The following C6 variants were observed in gnomAD, a reference collection of about 807,000 sequenced individuals.
The protein encoded by C6 is complement component C6.
In C6, 101 loss-of-function variants were observed where a neutral mutation model predicts 112.9. The ratio of observed to expected loss-of-function variants is 0.89; its 90% CI spans 0.76 to 1.06. C6 has a LOEUF of 1.06. C6 is among the 50% of genes least tolerant of loss of function. The probability of loss-of-function intolerance (pLI) is 0.00; values close to 1 mark genes in which losing one functional copy is unlikely to be tolerated. For missense variants in C6, 1,202 were observed against 1,104.6 expected (o/e 1.09, Z -1.25); for synonymous variants, 431 against 384.1 (o/e 1.12, Z -1.43).
intron 1 of C6, among the ~76,000 whole-genome samples, chr5:41,240,328 C>T (rs1740620058): frequency 6.6e-6 from 1 of 152,064 alleles, no homozygotes; most frequent in Admixed American, 6.5e-5. Context: ...TACACAGCCA[C>T]TGGTGGTAGC....
rs200169349 is a variant in C6 at position 41,172,351 on chromosome 5, G to A, written c.1169-4C>T. The A allele has an allele frequency of 1.5e-4, 240 of 1,613,388 alleles. No individual in the cohort carries two copies. In the East Asian group the frequency reaches 3.9e-3, roughly 26 times the overall value. On this transcript the variant is annotated splice_polypyrimidine_tract_variant and splice_region_variant and intron_variant, in intron 8 of 17. Coordinates refer to ENST00000337836, the MANE Select transcript of C6 (RefSeq NM_000065.5). ...TTGGCTTCTTCCTCGGTTAAACCTAGGAGATGAAGTACAAACAGAAACCAC... is the reference window on the plus strand; with the variant it reads ...TTGGCTTCTTCCTCGGTTAAACCTAAGAGATGAAGTACAAACAGAAACCAC...
rs1749740456 is a variant in C6 at position 41,186,070 on chromosome 5, C to T, written c.726G>A (p.Glu242=). Residue 242 remains glutamate (E), a splice_region_variant and synonymous_variant, in exon 6 of 18, where the codon GAG becomes GAA. Coordinates refer to ENST00000337836, the MANE Select transcript of C6 (RefSeq NM_000065.5). ...VPANLENVGF[E]VQTAEDDLKT... is the part of the protein sequence containing the mutation. ...TTGCCACCATGCTAGGCTGTCATACCTCAAAGCCGACATTTTCCAGATTGG... is the reference window on the plus strand; with the variant it reads ...TTGCCACCATGCTAGGCTGTCATACTTCAAAGCCGACATTTTCCAGATTGG... 3 of 1,613,886 alleles carry T rather than the reference C, an allele frequency of 1.9e-6. No individual in the cohort carries two copies. In the East Asian group the frequency reaches 6.7e-5, roughly 36 times the overall value.
intron 1 of C6, among the ~76,000 whole-genome samples, chr5:41,224,777 T>A (rs1365748871): frequency 6.6e-6 from 1 of 152,190 alleles, no homozygotes; most frequent in African/African-American, 2.4e-5. Context: ...GGAGTGGAGT[T>A]GCTGGGTCAT....
intron 7 of C6, among the ~76,000 whole-genome samples, chr5:41,179,495 T>A (rs1341820951): frequency 6.6e-6 from 1 of 151,932 alleles, no homozygotes; most frequent in Admixed American, 6.6e-5. Context: ...AAAGGCCATA[T>A]TCCCATGCCC....
Position 41,250,576 on chromosome 5 carries a change from G to A in C6, c.-21+10618C>T, listed in dbSNP as rs60810033. Among the ~76,000 whole-genome samples, 1,492 of 152,270 alleles carry A rather than the reference G, an allele frequency of 9.8e-3. 32 individuals are homozygous for A. The highest frequency in any genetic ancestry group is 0.034 in the African/African-American group (1,417 of 41,552). ...TATCTGAGCAGGATTTAAATGTCCT[G>A]GCAGAGTTTGATTTGGCTTCTTGCA... On this transcript the variant is annotated intron_variant, in intron 1 of 17. Transcript: ENST00000263413.
chr5:41,260,431 T>A, intron 1 of C6, among the ~76,000 whole-genome samples: 1 of 146,944 alleles, frequency 6.8e-6, no homozygotes, highest in Non-Finnish European at 1.5e-5. Flanking sequence ...AATTGTTCAG[T>A]AAAAACAAAC....
chr5:41,186,104 C>T lies in C6; in HGVS notation c.692G>A (p.Arg231His), dbSNP rs1184352709. The part of the protein sequence containing the change: ...VKSSRTSNPY[R>H]VPANLENVGF... ...GACATTTTCCAGATTGGCCGGAACA[C>T]GGTATGGATTACTTGTCCTACTGCT... The change falls in exon 6 of 18, where the codon CGT (arginine) becomes CAT (histidine). Residue 231 changes from arginine to histidine, a missense_variant. Physicochemically the swap from Arg to His is conservative, Grantham distance 29 (BLOSUM62 0). Transcript: ENST00000337836. The T allele has an allele frequency of 1.5e-5, 24 of 1,613,846 alleles. No homozygotes were observed. The highest frequency in any genetic ancestry group is 4.0e-5 in the African/African-American group (3 of 74,918).
intron 6 of C6, among the ~76,000 whole-genome samples, chr5:41,184,250 A>AG (rs1379574383): frequency 6.6e-6 from 1 of 152,204 alleles, no homozygotes; most frequent in Non-Finnish European, 1.5e-5. Flanking sequence ...TCTAACTTCA[A>AG]GGGGGATACA....
chr5:41,214,830 G>A (rs1752138816), upstream of C6, among the ~76,000 whole-genome samples: 2 of 152,152 alleles, frequency 1.3e-5, no homozygotes, highest in Non-Finnish European at 2.9e-5. Flanking sequence ...CCAGTAGGAT[G>A]AGCTTAAAGA....
intron 1 of C6, among the ~76,000 whole-genome samples, chr5:41,210,179 A>T (rs1307238135): frequency 2.6e-5 from 4 of 152,222 alleles, no homozygotes; most frequent in Admixed American, 6.5e-5. Flanking sequence ...GAAAGCTGAA[A>T]CTGGATCCCT....
chr5:41,222,894 C>T (rs1379695330), intron 1 of C6, among the ~76,000 whole-genome samples: 2 of 152,094 alleles, frequency 1.3e-5, no homozygotes, highest in Non-Finnish European at 2.9e-5. Context: ...ATTCATTTAG[C>T]CTTTTAAATG....
intron 1 of C6, among the ~76,000 whole-genome samples, chr5:41,233,139 T>C (rs1228695165): frequency 6.6e-6 from 1 of 152,124 alleles, no homozygotes; most frequent in Non-Finnish European, 1.5e-5. Flanking sequence ...TTGTTTCTAA[T>C]ATCAGCTCAG....
upstream of C6, among the ~76,000 whole-genome samples, chr5:41,214,915 G>T (rs556959133): frequency 1.3e-5 from 2 of 152,194 alleles, no homozygotes; most frequent in South Asian, 4.1e-4. Flanking sequence ...GAAAAACACA[G>T]GTGGAGAGAG....
intron 7 of C6, among the ~76,000 whole-genome samples, chr5:41,177,782 T>C (rs1196063644): frequency 6.6e-6 from 1 of 152,230 alleles, no homozygotes; most frequent in East Asian, 1.9e-4. Context: ...ATTCATTGCC[T>C]ACCTATCTGA....
At chr5:41,183,060 A>G (rs931837407) in intron 6 of C6, among the ~76,000 whole-genome samples, 7 of 152,240 alleles carry the variant, frequency 4.6e-5, no homozygotes, top group African/African-American at 1.7e-4. Flanking sequence ...GAAGGGGAAG[A>G]AAGCCCTGAT....
At chr5:41,166,464 C>T (rs529407093) in intron 9 of C6, among the ~76,000 whole-genome samples, 99 of 152,248 alleles carry the variant, frequency 6.5e-4, no homozygotes, top group Non-Finnish European at 1.2e-3. Context: ...ACACAGAACA[C>T]TTAGGACAGT....
intron 5 of C6, among the ~76,000 whole-genome samples, chr5:41,191,899 C>A (rs1302093610): frequency 6.6e-6 from 1 of 150,760 alleles, no homozygotes; most frequent in Non-Finnish European, 1.5e-5. Flanking sequence ...CCATTTATTT[C>A]TTTTCCTTGC....
intron 4 of C6, 115 bp downstream of exon 4, chr5:41,199,653 C>T (rs1408240181): frequency 2.8e-6 from 3 of 1,059,092 alleles, no homozygotes; most frequent in Admixed American, 1.7e-5. Flanking sequence ...TTCCACTCTG[C>T]TTAAAATGTG....
chr5:41,180,922 G>A (rs1749278590), intron 7 of C6, among the ~76,000 whole-genome samples: 3 of 151,004 alleles, frequency 2.0e-5, no homozygotes, highest in South Asian at 2.1e-4. Context: ...ATGTGCGTGT[G>A]TTTACATAAA....
Sources: allele counts gnomAD v4.1 joint callset (sites outside exome capture counted in the v4.1 genomes callset), GRCh38; gene constraint gnomAD v4.1.1; transcripts MANE v1.5; gene names NCBI Gene and HGNC (gene_info 2026-07-23, HGNC 2026-07-21).